The following RIPK1 variants were observed in gnomAD, a reference collection of about 807,000 sequenced individuals.
RIPK1 encodes receptor-interacting serine/threonine-protein kinase 1.
Under a neutral mutation model 62.4 loss-of-function variants are expected in RIPK1, and 27 were observed. The ratio of observed to expected loss-of-function variants is 0.43; its 90% CI spans 0.32 to 0.60. The LOEUF (loss-of-function observed/expected upper bound fraction) is 0.60, where lower values mean the gene tolerates loss of function less well. RIPK1 is among the 20% of genes least tolerant of loss of function. RIPK1 has a pLI of 0.07. For missense variants in RIPK1, 735 were observed against 831.0 expected, an observed-to-expected ratio of 0.88 and a Z score of 1.42; for synonymous variants, 287 against 303.2, an observed-to-expected ratio of 0.95 and a Z score of 0.55.
At chr6:3,111,507 G>A (rs1370148516) in intron 10 of RIPK1, among the ~76,000 whole-genome samples, 1 of 147,832 alleles carries the variant, frequency 6.8e-6, no homozygotes, top group Non-Finnish European at 1.5e-5. Context: ...CCATGGGATT[G>A]GCGCTTTTTT....
In RIPK1 at chr6:3,081,130, G is replaced by A. The variant is rs760511499; in HGVS notation, c.459+14G>A. 9 of 1,608,894 alleles carry A rather than the reference G, an allele frequency of 5.6e-6. No homozygotes were observed. In the East Asian group the frequency reaches 8.9e-5, roughly 16 times the overall value. ...TTCCACATTAAGGTAAACCATCATC[G>A]GTAGGCTTCCAGAAAGTTGGGTGAT... On this transcript the variant is annotated intron_variant, in intron 4 of 10. Coordinates refer to ENST00000259808, the MANE Select transcript of RIPK1 (RefSeq NM_001354930.2).
intron 1 of RIPK1, among the ~76,000 whole-genome samples, chr6:3,069,582 A>G (rs1758586715): frequency 6.6e-6 from 1 of 152,186 alleles, no homozygotes; most frequent in African/African-American, 2.4e-5. Context: ...TCCAATGATT[A>G]ATTCTTCCCT....
intron 1 of RIPK1, among the ~76,000 whole-genome samples, chr6:3,076,266 T>C (rs1483539187): frequency 6.6e-6 from 1 of 152,204 alleles, no homozygotes; most frequent in African/African-American, 2.4e-5. Flanking sequence ...TATAGTCTTC[T>C]CTGATTCTTA....
intron 6 of RIPK1, 32 bp from the exon 7 acceptor site, chr6:3,089,549 T>A (rs1759910190): frequency 1.0e-6 from 1 of 1,002,072 alleles, no homozygotes; most frequent in African/African-American, 1.6e-5. Context: ...AGAAAATAAT[T>A]AAGAAATTTA....
At chr6:3,068,393 G>A, upstream of RIPK1, 1 of 985,442 alleles carries the variant, frequency 1.0e-6, no homozygotes, top group Non-Finnish European at 1.2e-6. Flanking sequence ...AGAGCTCCGG[G>A]ACTCAGACCC....
At position 3,077,882 on chromosome 6, in the gene RIPK1, C is replaced by T. The variant is rs755674528; in HGVS notation, c.268C>T (p.Leu90=). 21 of 1,614,060 alleles carry T rather than the reference C, an allele frequency of 1.3e-5. No homozygotes were observed. The highest frequency in any genetic ancestry group is 6.7e-5 in the Admixed American group (4 of 60,028). Reference sequence around the variant, plus strand: ...CATCATAGAGGAAGGGAAGTACTCCCTGGTGATGGAGTACATGGAGAAGGG... The same window carrying T: ...CATCATAGAGGAAGGGAAGTACTCCTTGGTGATGGAGTACATGGAGAAGGG... ...GVIIEEGKYS[L]VMEYMEKGNL... The change falls in exon 3 of 11, where the codon CTG becomes TTG. Residue 90 remains leucine (L), a synonymous_variant. Transcript: ENST00000259808.
intron 9 of RIPK1, 45 bp from the exon 10 acceptor site, chr6:3,110,758 G>A: frequency 7.5e-7 from 1 of 1,324,690 alleles, no homozygotes; most frequent in Non-Finnish European, 1.1e-6. Flanking sequence ...TTTTTCTCTT[G>A]CTTTTGATCT....
chr6:3,068,384 G>C (rs1209960717), upstream of RIPK1: 8 of 985,464 alleles, frequency 8.1e-6, no homozygotes, highest in Non-Finnish European at 9.6e-6. Context: ...GCCCGCAAGA[G>C]AGCTCCGGGA....
At chr6:3,070,369 G>A (rs1466590293) in intron 1 of RIPK1, among the ~76,000 whole-genome samples, 1 of 151,976 alleles carries the variant, frequency 6.6e-6, no homozygotes, top group Non-Finnish European at 1.5e-5. Flanking sequence ...TTACATTCTG[G>A]CAAAAAAGGT....
chr6:3,110,426 C>A (rs185632344), intron 9 of RIPK1, among the ~76,000 whole-genome samples: 17 of 152,052 alleles, frequency 1.1e-4, no homozygotes, highest in African/African-American at 4.1e-4. Flanking sequence ...CCAGGCTGGT[C>A]TTGAACTCCT....
Position 3,115,008 on chromosome 6 carries a change from A to G in RIPK1, c.*1669A>G, listed in dbSNP as rs1761340795. 1 of 152,132 alleles carries G rather than the reference A, an allele frequency of 6.6e-6. No homozygotes were observed. The highest frequency in any genetic ancestry group is 2.4e-5 in the African/African-American group (1 of 41,424). 9.4% of individuals were successfully genotyped at this position (152,132 alleles called of 1,614,324 possible). On this transcript the variant is annotated 3_prime_UTR_variant, in exon 11 of 11. Coordinates refer to ENST00000259808, the MANE Select transcript of RIPK1 (RefSeq NM_001354930.2). ...TGGCTCCTACAGCCCAAAAGGGAGAATGGAGGGAGGCTCCAGGCTTTGCTG... is the reference window on the plus strand; with the variant it reads ...TGGCTCCTACAGCCCAAAAGGGAGAGTGGAGGGAGGCTCCAGGCTTTGCTG...
rs1180739042 is a variant in RIPK1 at position 3,105,647 on chromosome 6, T to C, written c.1172T>C (p.Met391Thr). ...EANYHLYGSR[M>T]DRQTKQQPRQ... ...AACTACCATCTTTATGGCAGCCGCA[T>C]GGACAGGCAGACGAAACAGCAGCCC... The change falls in exon 9 of 11, where the codon ATG becomes ACG. Residue 391 changes from methionine to threonine, a missense_variant. Met to Thr is a moderately conservative substitution (Grantham distance 81, BLOSUM62 -1). This residue lies in a region of RIPK1 where 671 missense variants were observed against 726.2 expected (regional missense o/e 0.92). Transcript: ENST00000259808. This position sits in a 1 kb window ranked among gnomAD's most constrained non-coding sequence, Gnocchi z 4.5. 1 of 1,614,050 alleles carries C rather than the reference T, an allele frequency of 6.2e-7. No homozygotes were observed. Among genetic ancestry groups the C allele is most frequent in the South Asian group, 1.1e-5 (1 of 91,076 alleles).
chr6:3,067,551 C>G (rs1172512611), upstream of RIPK1, among the ~76,000 whole-genome samples: 2 of 151,568 alleles, frequency 1.3e-5, no homozygotes, highest in Non-Finnish European at 2.9e-5. Context: ...AGCTTTTGCC[C>G]GCCTTTAATC....
At chr6:3,067,220 A>C (rs555638055), upstream of RIPK1, among the ~76,000 whole-genome samples, 7 of 152,012 alleles carry the variant, frequency 4.6e-5, no homozygotes, top group Admixed American at 2.6e-4. Context: ...ATTCTTGTAC[A>C]GGTGTTTGTA....
intron 4 of RIPK1, among the ~76,000 whole-genome samples, 170 bp from the exon 5 acceptor site, chr6:3,082,915 C>T (rs1759473375): frequency 6.6e-6 from 1 of 152,194 alleles, no homozygotes; most frequent in Admixed American, 6.5e-5. Flanking sequence ...AGGAGACACA[C>T]AGTTTCTATG....
rs144061407 is a variant in RIPK1, at chr6:3,095,275, A to G, written c.915+5618A>G. Among the ~76,000 whole-genome samples, 715 of 152,352 alleles carry G rather than the reference A, an allele frequency of 4.7e-3. 10 individuals are homozygous for G. Among genetic ancestry groups the G allele is most frequent in the Middle Eastern group, 0.027 (8 of 294 alleles). On this transcript the variant is annotated intron_variant, in intron 7 of 10. Coordinates refer to ENST00000259808, the MANE Select transcript of RIPK1 (RefSeq NM_001354930.2). The stretch of plus-strand genomic sequence containing the variant: ...ACTCAAATAGAGATAGAAACTTAGA[A>G]TATTCCTGTAACTATTAAAAGAAGC...
chr6:3,101,315 T>C (rs964853949), intron 7 of RIPK1, among the ~76,000 whole-genome samples: 2 of 151,706 alleles, frequency 1.3e-5, no homozygotes, highest in African/African-American at 4.8e-5. Flanking sequence ...TACAGCTGGG[T>C]GAGGTGGCTC....
chr6:3,109,255 T>C (rs543031862), intron 9 of RIPK1, among the ~76,000 whole-genome samples: 1 of 152,124 alleles, frequency 6.6e-6, no homozygotes, highest in East Asian at 1.9e-4. Flanking sequence ...CAGTGCAGGC[T>C]CATGGAAGGA....
chr6:3,107,761 A>G (rs1038259392), intron 9 of RIPK1, among the ~76,000 whole-genome samples: 1 of 151,822 alleles, frequency 6.6e-6, no homozygotes, highest in East Asian at 1.9e-4. Flanking sequence ...GAGCAACCCA[A>G]ATACACCCGT....
Sources: allele counts gnomAD v4.1 joint callset (sites outside exome capture counted in the v4.1 genomes callset), GRCh38; gene constraint gnomAD v4.1.1; regional missense constraint gnomAD v4.1.1; non-coding constraint Gnocchi (gnomAD v3.1); transcripts MANE v1.5; gene names NCBI Gene and HGNC (gene_info 2026-07-23, HGNC 2026-07-21).